Variants in USP5 observed in about 807,000 individuals in gnomAD.
USP5 encodes the protein ubiquitin specific peptidase 5.
In USP5, 24 loss-of-function variants were observed where a neutral mutation model predicts 102.5. The ratio of observed to expected loss-of-function variants is 0.23; its 90% CI spans 0.17 to 0.33. The LOEUF (loss-of-function observed/expected upper bound fraction) is 0.33. USP5 is among the 10% of genes least tolerant of loss of function. The pLI is 1.00. For missense variants in USP5, 753 were observed against 1,122.1 expected, an observed-to-expected ratio of 0.67 and a Z score of 4.70; for synonymous variants, 460 against 434.8, an observed-to-expected ratio of 1.06 and a Z score of -0.72.
rs1555130539 is a variant in USP5 at position 6,865,175 on chromosome 12, T to G, written c.2410T>G (p.Phe804Val). Residue 804 changes from phenylalanine (F) to valine (V), a missense_variant, in exon 19 of 20, where the codon TTT becomes GTT. Transcript: ENST00000229268. ...CTCTCCTTTCCTAGAGTATCAGCTCTTTGCCTTCATTAGTCACATGGGCAC... is the reference window on the plus strand; with the variant it reads ...CTCTCCTTTCCTAGAGTATCAGCTCGTTGCCTTCATTAGTCACATGGGCAC... ...VRDGPGKYQLFAFISHMGTST... is the reference protein window; with the variant it reads ...VRDGPGKYQLVAFISHMGTST... 1 of 1,613,692 alleles carries G rather than the reference T, an allele frequency of 6.2e-7. No individual in the cohort carries two copies. The highest frequency in any genetic ancestry group is 1.1e-5 in the South Asian group (1 of 91,084).
At chr12:6,859,588 G>A (rs782417790) in intron 9 of USP5, 47 bp downstream of exon 9, 18 of 1,585,216 alleles carry the variant, frequency 1.1e-5, no homozygotes, top group South Asian at 5.5e-5. Context: ...AGTCATGGCC[G>A]TATACCTTCC....
chr12:6,857,251 G>A, intron 6 of USP5: 1 of 328,982 alleles, frequency 3.0e-6, no homozygotes, highest in Non-Finnish European at 5.7e-6. Context: ...AGCTATGATT[G>A]CACCACTGGA....
In USP5 at chr12:6,861,134, G is replaced by C; in HGVS notation, c.1498+28G>C. The C allele has an allele frequency of 6.2e-7, 1 of 1,612,868 alleles. No individual in the cohort carries two copies. The highest frequency in any genetic ancestry group is 8.5e-7 in the Non-Finnish European group (1 of 1,179,362). ...AGGCTGCTCCATCAGCAAGGCCGTGGCACGGTGGGAGGCTAAGGTCTAGGA... is the reference window on the plus strand; with the variant it reads ...AGGCTGCTCCATCAGCAAGGCCGTGCCACGGTGGGAGGCTAAGGTCTAGGA... On this transcript the variant is annotated intron_variant, in intron 12 of 19. Transcript: ENST00000229268. This position sits in a 1 kb window ranked among gnomAD's most constrained non-coding sequence, Gnocchi z 4.9.
At position 6,860,939 on chromosome 12, in the gene USP5, C is replaced by T. The variant is rs1442492871; in HGVS notation, c.1345-14C>T. On this transcript the variant is annotated splice_polypyrimidine_tract_variant and intron_variant, in intron 11 of 19. Coordinates refer to ENST00000229268, the MANE Select transcript of USP5 (RefSeq NM_001098536.2). The surrounding 1 kb of genome is among the most constrained non-coding windows in gnomAD (Gnocchi z 5.5). ...TGGCTGCCCAGACCTCCCTACCCTGCCTCTTTCCCATAGAGGAATTGCCGG... is the reference window on the plus strand; with the variant it reads ...TGGCTGCCCAGACCTCCCTACCCTGTCTCTTTCCCATAGAGGAATTGCCGG... The T allele has an allele frequency of 6.2e-7, 1 of 1,613,846 alleles. No individual in the cohort carries two copies. The highest frequency in any genetic ancestry group is 8.5e-7 in the Non-Finnish European group (1 of 1,179,916).
In USP5 at chr12:6,864,644, G is replaced by A. The variant is rs782065035; in HGVS notation, c.2245-78G>A. 3.4e-4 allele frequency: 504 copies of A among 1,490,656 alleles called. 4 individuals carry two copies. The African/African-American group carries it at 6.2e-3, about 18-fold the overall frequency. The allele number at this position is 1,490,656 out of a possible 1,614,324, so 92.3% of individuals were successfully genotyped here. A position where few individuals can be genotyped will look rare whatever the true frequency, so the allele number is the denominator to read the frequency against. On this transcript the variant is annotated intron_variant, in intron 17 of 19. Transcript: ENST00000229268. The surrounding 1 kb of genome is among the most constrained non-coding windows in gnomAD (Gnocchi z 4.8). Reference sequence around the variant, plus strand: ...GCGGAGCTTGCAGTGAGCCGAGATCGCGCCACTGCACTCCAGCCTGGGCGA... The same window carrying A: ...GCGGAGCTTGCAGTGAGCCGAGATCACGCCACTGCACTCCAGCCTGGGCGA...
chr12:6,866,386 T>G lies in USP5; in HGVS notation c.*309T>G. 2.8e-6 allele frequency: 1 copy of G among 361,408 alleles called. No homozygotes were observed. The highest frequency in any genetic ancestry group is 2.0e-5 in the African/African-American group (1 of 48,828). 22.4% of individuals were successfully genotyped at this position (361,408 alleles called of 1,614,324 possible). ...TGTGTCGCCCCGCCCAGCCCCCTGG[T>G]GTGGAGGGAGGGGTCTCGTTTGTGC... On this transcript the variant is annotated 3_prime_UTR_variant, in exon 20 of 20. Coordinates refer to ENST00000229268, the MANE Select transcript of USP5 (RefSeq NM_001098536.2). The surrounding 1 kb of genome is among the most constrained non-coding windows in gnomAD (Gnocchi z 4.7).
Position 6,864,289 on chromosome 12 carries a change from G to T in USP5, c.2244+94G>T, listed in dbSNP as rs1359600653. 2.7e-6 allele frequency: 4 copies of T among 1,466,890 alleles called. No individual in the cohort carries two copies. The East Asian group carries it at 9.5e-5, about 35-fold the overall frequency. 90.9% of individuals were successfully genotyped at this position (1,466,890 alleles called of 1,614,324 possible). A position where few individuals can be genotyped will look rare whatever the true frequency, so the allele number is the denominator to read the frequency against. ...TTCTTGAGCAAGACCAAAGACAACA[G>T]GTGTGGTCTGGCCGAGGTTGGGCAC... On this transcript the variant is annotated intron_variant, in intron 17 of 19. Coordinates refer to ENST00000229268, the MANE Select transcript of USP5 (RefSeq NM_001098536.2). The surrounding 1 kb of genome is among the most constrained non-coding windows in gnomAD (Gnocchi z 4.8).
At position 6,861,095 on chromosome 12, in the gene USP5, C is replaced by A. The variant is rs782635641; in HGVS notation, c.1487C>A (p.Ala496Asp). The change falls in exon 12 of 20, where the codon GCC becomes GAC. Residue 496 changes from alanine to aspartate, a missense_variant. Coordinates refer to ENST00000229268, the MANE Select transcript of USP5 (RefSeq NM_001098536.2). This position sits in a 1 kb window ranked among gnomAD's most constrained non-coding sequence, Gnocchi z 4.9. ...IMQLPVPMDA[A>D]LNKEELLEYE... Reference sequence around the variant, plus strand: ...CAGCTGCCTGTGCCCATGGATGCAGCCCTTAACAAAGGTAGGCTGCTCCAT... The same window carrying A: ...CAGCTGCCTGTGCCCATGGATGCAGACCTTAACAAAGGTAGGCTGCTCCAT... 1 of 1,614,170 alleles carries A rather than the reference C, an allele frequency of 6.2e-7. No individual in the cohort carries two copies. The highest frequency in any genetic ancestry group is 8.5e-7 in the Non-Finnish European group (1 of 1,180,022).
Position 6,858,166 on chromosome 12 carries a change from G to C in USP5, c.865-258G>C, listed in dbSNP as rs1337081784. On this transcript the variant is annotated intron_variant, in intron 7 of 19. Coordinates refer to ENST00000229268, the MANE Select transcript of USP5 (RefSeq NM_001098536.2). This position sits in a 1 kb window ranked among gnomAD's most constrained non-coding sequence, Gnocchi z 4.2. ...GGAGGTTAGGGGTAACTTAAGGATG[G>C]GAAAAACATTTCAGGTAGAAGGAAA... Among the ~76,000 whole-genome samples the C allele has an allele frequency of 6.6e-6, 1 of 152,106 alleles. No homozygotes were observed. The highest frequency in any genetic ancestry group is 6.5e-5 in the Admixed American group (1 of 15,270).
Position 6,864,017 on chromosome 12 carries a change from C to G in USP5, c.2099-33C>G, listed in dbSNP as rs1944353774. ...CAGGGTGGGGCAGGGCCTCCATCCT[C>G]CCCCAAACACATCAACCCCTTCACA... On this transcript the variant is annotated intron_variant, in intron 16 of 19. Coordinates refer to ENST00000229268, the MANE Select transcript of USP5 (RefSeq NM_001098536.2). The surrounding 1 kb of genome is among the most constrained non-coding windows in gnomAD (Gnocchi z 4.8). The G allele has an allele frequency of 1.3e-6, 2 of 1,584,158 alleles. No homozygotes were observed. The highest frequency in any genetic ancestry group is 1.7e-6 in the Non-Finnish European group (2 of 1,160,620).
intron 1 of USP5, among the ~76,000 whole-genome samples, 166 bp downstream of exon 1, chr12:6,852,456 G>A (rs1358406659): frequency 6.6e-6 from 1 of 152,256 alleles, no homozygotes; most frequent in East Asian, 1.9e-4. Context: ...TGCGGCTGTC[G>A]TGTGACTACC....
In USP5 at chr12:6,863,976, A is replaced by G. The variant is rs1555130154; in HGVS notation, c.2098+3A>G. On this transcript the variant is annotated splice_donor_region_variant and intron_variant, in intron 16 of 19. Transcript: ENST00000229268. This position sits in a 1 kb window ranked among gnomAD's most constrained non-coding sequence, Gnocchi z 4.7. Reference sequence around the variant, plus strand: ...CATGTCACACATGGATGATCCAGGTAGGCTGGGGTGGGGAGCAGGGTGGGG... The same window carrying G: ...CATGTCACACATGGATGATCCAGGTGGGCTGGGGTGGGGAGCAGGGTGGGG... 7.1e-7 allele frequency: 1 copy of G among 1,410,424 alleles called. No individual in the cohort carries two copies. The highest frequency in any genetic ancestry group is 9.6e-7 in the Non-Finnish European group (1 of 1,041,380). 87.4% of individuals were successfully genotyped at this position (1,410,424 alleles called of 1,614,324 possible). A position where few individuals can be genotyped will look rare whatever the true frequency, so the allele number is the denominator to read the frequency against.
At chr12:6,859,620 G>A (rs1409854213) in intron 9 of USP5, 79 bp downstream of exon 9, 24 of 1,403,196 alleles carry the variant, frequency 1.7e-5, no homozygotes, top group South Asian at 6.9e-5. Flanking sequence ...CGCCTGGGGG[G>A]CACAGCACTT....
intron 9 of USP5, among the ~76,000 whole-genome samples, 170 bp from the exon 10 acceptor site, chr12:6,859,981 G>A (rs1944230478): frequency 6.6e-6 from 1 of 152,306 alleles, no homozygotes; most frequent in Non-Finnish European, 1.5e-5. Context: ...GAGCATTCGG[G>A]TGACTGTCTT....
rs782249338 is a variant in USP5, at chr12:6,860,458, G to C, written c.1311G>C (p.Gln437His). 1 of 1,614,110 alleles carries C rather than the reference G, an allele frequency of 6.2e-7. No homozygotes were observed. Among genetic ancestry groups the C allele is most frequent in the South Asian group, 1.1e-5 (1 of 91,088 alleles). ...CCACCAACCGGCAGCAGGATGCCCA[G>C]GAGTTCTTCCTTCACCTTATCAACA... is the stretch of plus-strand genomic sequence containing the variant. Reference protein sequence around the residue: ...EFSTNRQQDAQEFFLHLINMV... With the variant: ...EFSTNRQQDAHEFFLHLINMV... Residue 437 changes from glutamine (Q) to histidine (H), a missense_variant, in exon 11 of 20, where the codon CAG becomes CAC. This residue lies in a region of USP5 where 527 missense variants were observed against 816.5 expected (regional missense o/e 0.65). Transcript: ENST00000229268. This position sits in a 1 kb window ranked among gnomAD's most constrained non-coding sequence, Gnocchi z 5.5.
chr12:6,855,320 T>G lies in USP5; in HGVS notation c.112-81T>G. The G allele has an allele frequency of 6.4e-7, 1 of 1,569,696 alleles. No individual in the cohort carries two copies. The highest frequency in any genetic ancestry group is 2.2e-5 in the East Asian group (1 of 44,522). On this transcript the variant is annotated intron_variant, in intron 1 of 19. Coordinates refer to ENST00000229268, the MANE Select transcript of USP5 (RefSeq NM_001098536.2). This position sits in a 1 kb window ranked among gnomAD's most constrained non-coding sequence, Gnocchi z 4.6. ...ACATTTCTTCTGGAACCCAGCAGTT[T>G]CTGACTCCAGGTTTTGGTTTCCTCA... is the stretch of plus-strand genomic sequence containing the variant.
At position 6,864,581 on chromosome 12, in the gene USP5, T is replaced by A. The variant is rs113090296; in HGVS notation, c.2245-141T>A. 2.1e-3 allele frequency: 1,904 copies of A among 926,660 alleles called. 24 individuals are homozygous for A. The African/African-American group carries it at 0.029, about 14-fold the overall frequency. The allele number at this position is 926,660 out of a possible 1,614,324, so 57.4% of individuals were successfully genotyped here. ...GTGGGCGTCTGTAGTCCCAGCTACT[T>A]GGGAGGCTGAGGCAGGAGAAAGGCG... On this transcript the variant is annotated intron_variant, in intron 17 of 19. Transcript: ENST00000229268. This position sits in a 1 kb window ranked among gnomAD's most constrained non-coding sequence, Gnocchi z 4.8.
At position 6,855,506 on chromosome 12, in the gene USP5, C is replaced by T. The variant is rs1555127936; in HGVS notation, c.217C>T (p.Leu73Phe). The change falls in exon 2 of 20, where the codon CTC (leucine) becomes TTC (phenylalanine). Residue 73 changes from leucine (L) to phenylalanine (F), a missense_variant. Physicochemically the swap from Leu to Phe is conservative, Grantham distance 22. Around this residue, in one of 3 missense-constraint regions of USP5, gnomAD observed 527 missense variants for 816.5 expected, o/e 0.65. Coordinates refer to ENST00000229268, the MANE Select transcript of USP5 (RefSeq NM_001098536.2). The surrounding 1 kb of genome is among the most constrained non-coding windows in gnomAD (Gnocchi z 4.6). ...NKTGQRVYLHLRRTRRPKEED... is the reference protein window; with the variant it reads ...NKTGQRVYLHFRRTRRPKEED... ...GACCGGCCAGCGAGTCTACTTGCAC[C>T]TCCGGCGGACCCGGCGCCCGGTAGG... 5 of 1,614,188 alleles carry T rather than the reference C, an allele frequency of 3.1e-6. No homozygotes were observed. The South Asian group carries it at 4.4e-5, about 14-fold the overall frequency.
intron 1 of USP5, among the ~76,000 whole-genome samples, chr12:6,854,626 C>T (rs1944054115): frequency 6.6e-6 from 1 of 151,004 alleles, no homozygotes; most frequent in Non-Finnish European, 1.5e-5. Flanking sequence ...GGCATGGTGG[C>T]ATGTGCCTGT....
Sources: gnomAD v4.1 joint callset for allele counts (sites outside exome capture counted in the v4.1 genomes callset) on GRCh38, gnomAD v4.1.1 for gene constraint, gnomAD v4.1.1 regional missense constraint, Gnocchi (gnomAD v3.1) non-coding constraint, MANE v1.5 for transcripts, NCBI Gene and HGNC (gene_info 2026-07-23, HGNC 2026-07-21) for gene names.